USP34: variants seen among roughly 807,000 people sequenced by gnomAD.
The protein encoded by USP34 is ubiquitin carboxyl-terminal hydrolase 34.
Under a neutral mutation model 460.3 loss-of-function variants are expected in USP34, and 70 were observed. That is an observed-to-expected ratio of 0.15 (90% CI 0.13 to 0.19). The LOEUF (loss-of-function observed/expected upper bound fraction) is 0.19, where lower values mean the gene tolerates loss of function less well. Ranked by LOEUF, USP34 falls within the 10% of genes least tolerant of loss-of-function variation. USP34 has a pLI of 1.00. For missense variants in USP34, 3,985 were observed against 4,236.2 expected, an observed-to-expected ratio of 0.94 and a Z score of 1.65; for synonymous variants, 1,647 against 1,405.3, an observed-to-expected ratio of 1.17 and a Z score of -3.85.
chr2:61,376,220 TAAA>T (rs1181871154), intron 8 of USP34, among the ~76,000 whole-genome samples: 6 of 145,994 alleles, frequency 4.1e-5, no homozygotes, highest in Non-Finnish European at 7.4e-5. Flanking sequence ...TATATGTTAA[TAAA>T]ACTGCTTAAA....
rs1237743254 is a variant in USP34, at chr2:61,204,528, G to A, written c.9228C>T (p.Asn3076=). ...TATTACTGTGATGGTAAGTACAATG[G>A]TTGTGTTGTAGAAAGGGAACCAGAG... ...LHTLVPFLQH[N]HCTYHHSNIP... Residue 3076 remains asparagine (N), a synonymous_variant, in exon 73 of 80, where the codon AAC becomes AAT. Transcript: ENST00000398571. 6.2e-7 allele frequency: 1 copy of A among 1,613,988 alleles called. No homozygotes were observed. Among genetic ancestry groups the A allele is most frequent in the African/African-American group, 1.3e-5 (1 of 74,938 alleles).
intron 34 of USP34, among the ~76,000 whole-genome samples, chr2:61,287,429 C>T (rs1218052982): frequency 6.6e-6 from 1 of 152,160 alleles, no homozygotes; most frequent in Non-Finnish European, 1.5e-5. Flanking sequence ...ATTTTTATTG[C>T]TCGATGTCCT....
At chr2:61,378,823 T>G (rs1692874588) in intron 7 of USP34, among the ~76,000 whole-genome samples, 1 of 144,154 alleles carries the variant, frequency 6.9e-6, no homozygotes, top group Non-Finnish European at 1.5e-5. Flanking sequence ...GAAAATCACT[T>G]GAACCCAGGA....
intron 5 of USP34, among the ~76,000 whole-genome samples, chr2:61,384,997 A>C (rs1405172875): frequency 1.3e-5 from 2 of 152,196 alleles, no homozygotes; most frequent in Non-Finnish European, 1.5e-5. Flanking sequence ...CTGAAACTAA[A>C]GAGTTTAGCA....
At chr2:61,435,451 T>C (rs977732659) in intron 1 of USP34, among the ~76,000 whole-genome samples, 22 of 148,048 alleles carry the variant, frequency 1.5e-4, no homozygotes, top group Middle Eastern at 3.6e-3. Flanking sequence ...AGAGTTAAAG[T>C]ACTAAAAAAA....
At chr2:61,251,755 A>G (rs1265002187) in intron 48 of USP34, among the ~76,000 whole-genome samples, 1 of 152,222 alleles carries the variant, frequency 6.6e-6, no homozygotes, top group Non-Finnish European at 1.5e-5. Context: ...TGCCAAATCC[A>G]TCAGATTACT....
intron 50 of USP34, among the ~76,000 whole-genome samples, chr2:61,245,943 T>G (rs1287958785): frequency 6.6e-6 from 1 of 152,134 alleles, no homozygotes; most frequent in East Asian, 1.9e-4. Context: ...GTGTGTGTGG[T>G]CCTCCCAATA....
chr2:61,230,193 T>C (rs1558478665), intron 58 of USP34, among the ~76,000 whole-genome samples: 1 of 152,170 alleles, frequency 6.6e-6, no homozygotes, highest in South Asian at 2.1e-4. Context: ...AGAACACTTA[T>C]ATATCACTGG....
chr2:61,425,918 G>C (rs958198078), intron 1 of USP34, among the ~76,000 whole-genome samples: 1 of 151,854 alleles, frequency 6.6e-6, no homozygotes, highest in East Asian at 1.9e-4. Flanking sequence ...GGACTCTCTT[G>C]CATCTTGGAT....
chr2:61,190,238 A>G (rs756627811), intron 78 of USP34, 33 bp downstream of exon 78: 1 of 1,574,706 alleles, frequency 6.4e-7, no homozygotes, highest in South Asian at 1.2e-5. Flanking sequence ...GACAGTTTAA[A>G]AGTGTGTGCC....
chr2:61,438,565 A>G, intron 1 of USP34, among the ~76,000 whole-genome samples: 1 of 152,218 alleles, frequency 6.6e-6, no homozygotes, highest in East Asian at 1.9e-4. Flanking sequence ...ACGCCACTGC[A>G]CTCCAGCCTG....
intron 1 of USP34, among the ~76,000 whole-genome samples, chr2:61,444,623 G>A (rs1022635793): frequency 6.6e-6 from 1 of 152,024 alleles, no homozygotes; most frequent in South Asian, 2.1e-4. Flanking sequence ...AACTACTGAA[G>A]ACAAAAACAA....
At chr2:61,456,797 C>G (rs1034444495) in intron 1 of USP34, among the ~76,000 whole-genome samples, 2 of 150,012 alleles carry the variant, frequency 1.3e-5, no homozygotes, top group Non-Finnish European at 3.0e-5. Context: ...AATTTACTAA[C>G]AGAGTAAAAA....
chr2:61,283,796 G>C (rs996816634), intron 35 of USP34, among the ~76,000 whole-genome samples: 1 of 152,080 alleles, frequency 6.6e-6, no homozygotes, highest in Non-Finnish European at 1.5e-5. Context: ...TTGCAAAAGA[G>C]ACTATATTTT....
chr2:61,460,783 G>C (rs1695575553), intron 1 of USP34, among the ~76,000 whole-genome samples: 1 of 152,004 alleles, frequency 6.6e-6, no homozygotes, highest in Non-Finnish European at 1.5e-5. Context: ...AGGAGATCGA[G>C]ACCATCCTGG....
chr2:61,189,192 T>C, intron 78 of USP34, 123 bp from the exon 79 acceptor site: 1 of 993,342 alleles, frequency 1.0e-6, no homozygotes, highest in Non-Finnish European at 1.5e-6. Context: ...TACCCTGGTT[T>C]CTCTGGGATT....
At chr2:61,426,696 C>G (rs559781542) in intron 1 of USP34, among the ~76,000 whole-genome samples, 1 of 152,310 alleles carries the variant, frequency 6.6e-6, no homozygotes, top group South Asian at 2.1e-4. Flanking sequence ...TGCACAGCAC[C>G]AGGGCCTTCA....
rs181495846 is a variant in USP34 at position 61,233,753 on chromosome 2, C to G, written c.7033-1221G>C. Among the ~76,000 whole-genome samples the G allele has an allele frequency of 2.7e-3, 415 of 151,654 alleles. 1 individual carries two copies. The highest frequency in any genetic ancestry group is 9.3e-3 in the African/African-American group (386 of 41,360). ...GGGAGGAGGCTGAGGCAGGATTGCT[C>G]AAGCCCAGGATTTTGAGGTTGCAGT... On this transcript the variant is annotated intron_variant, in intron 57 of 79. Transcript: ENST00000398571.
At chr2:61,329,609 T>C (rs778159) in intron 20 of USP34, among the ~76,000 whole-genome samples, 80,194 of 151,874 alleles carry the variant, frequency 0.53, 21,481 homozygotes, top group South Asian at 0.73. Context: ...TCATAGACAG[T>C]CCAGAATACT....
Sources: allele counts gnomAD v4.1 joint callset (sites outside exome capture counted in the v4.1 genomes callset), GRCh38; gene constraint gnomAD v4.1.1; transcripts MANE v1.5; gene names NCBI Gene and HGNC (gene_info 2026-07-23, HGNC 2026-07-21).